NBAS: variants seen among roughly 807,000 people sequenced by gnomAD.
The protein encoded by NBAS is NAG/BC035112 fusion.
In NBAS, 219 loss-of-function variants were observed where a neutral mutation model predicts 302.5. The observed-to-expected ratio is 0.72, with a 90% CI of 0.65 to 0.81. NBAS has a LOEUF of 0.81. Among genes scored for constraint, NBAS ranks in the 30% least tolerant of loss-of-function variants. The pLI is 0.00. For synonymous variants in NBAS, 1,118 were observed against 1,021.6 expected (o/e 1.09, Z -1.80); for missense variants, 2,932 against 2,841.6 (o/e 1.03, Z -0.72).
At chr2:15,082,102 T>C in the NBAS span, among the ~76,000 whole-genome samples, 1 of 152,196 alleles carries the variant, frequency 6.6e-6, no homozygotes, top group Non-Finnish European at 1.5e-5. Flanking sequence ...ATGGTAGCTA[T>C]TAATAAGATA....
Position 15,276,933 on chromosome 2 carries a change from A to T in NBAS, c.5307T>A (p.Cys1769Ter). The change falls in exon 43 of 52, where the codon TGT becomes TGA. Residue 1769 changes from cysteine to a stop codon, truncating the protein, a stop_gained. Coordinates refer to ENST00000281513, the MANE Select transcript of NBAS (RefSeq NM_015909.4). LOFTEE classifies it high-confidence loss of function. Reference sequence around the variant, plus strand: ...CACAGTTCCCCAAATCTGCACAGCCACAGTTTTCCAGAAGAGTGAAATAAT... The same window carrying T: ...CACAGTTCCCCAAATCTGCACAGCCTCAGTTTTCCAGAAGAGTGAAATAAT... The part of the protein sequence containing the change: ...LQYYFTLLEN[C>*]GCADLGNCAI... 6.2e-7 allele frequency: 1 copy of T among 1,614,110 alleles called. No individual in the cohort carries two copies. Among genetic ancestry groups the T allele is most frequent in the Non-Finnish European group, 8.5e-7 (1 of 1,179,990 alleles).
chr2:15,262,041 A>G (rs955684673), intron 44 of NBAS, among the ~76,000 whole-genome samples: 13 of 152,180 alleles, frequency 8.5e-5, no homozygotes, highest in African/African-American at 3.1e-4. Context: ...CACCAGAGTG[A>G]CAGGTAATCC....
At chr2:15,076,593 G>GT in the NBAS span, among the ~76,000 whole-genome samples, 1 of 152,152 alleles carries the variant, frequency 6.6e-6, no homozygotes, top group Non-Finnish European at 1.5e-5. Context: ...GAAGTCTGAG[G>GT]TGATTTCCAT....
the NBAS span, among the ~76,000 whole-genome samples, chr2:14,970,608 G>A: frequency 5.9e-5 from 9 of 152,136 alleles, no homozygotes; most frequent in African/African-American, 1.9e-4. Context: ...TCTGGATTTC[G>A]GTCTCTTGGA....
chr2:14,944,400 T>A, the NBAS span, among the ~76,000 whole-genome samples: 1 of 152,212 alleles, frequency 6.6e-6, no homozygotes, highest in African/African-American at 2.4e-5. Context: ...ATCTCATTTA[T>A]TTTTCACCCC....
At chr2:14,816,904 G>A in the NBAS span, among the ~76,000 whole-genome samples, 4 of 152,258 alleles carry the variant, frequency 2.6e-5, no homozygotes, top group East Asian at 7.7e-4. Context: ...AAACAAGTGG[G>A]AAAAGAACTC....
chr2:15,350,148 A>C (rs1444921526), intron 35 of NBAS, among the ~76,000 whole-genome samples: 1 of 152,092 alleles, frequency 6.6e-6, no homozygotes, highest in Non-Finnish European at 1.5e-5. Context: ...CATATATTCT[A>C]CTCTGGGCAA....
the NBAS span, among the ~76,000 whole-genome samples, chr2:14,930,636 T>A: frequency 3.3e-5 from 5 of 152,348 alleles, no homozygotes; most frequent in Admixed American, 6.5e-5. Flanking sequence ...GATGCCCATA[T>A]GTGATTCATG....
chr2:14,908,128 C>G, the NBAS span, among the ~76,000 whole-genome samples: 1 of 152,184 alleles, frequency 6.6e-6, no homozygotes, highest in East Asian at 1.9e-4. Context: ...CTTTGGGAGG[C>G]CGAGGCAGGC....
At chr2:14,861,987 T>C in the NBAS span, among the ~76,000 whole-genome samples, 1 of 152,222 alleles carries the variant, frequency 6.6e-6, no homozygotes, top group Non-Finnish European at 1.5e-5. Context: ...TTAAGGCCGG[T>C]ATCTGGAGCC....
chr2:15,204,283 G>A (rs1666037038), intron 48 of NBAS, among the ~76,000 whole-genome samples: 1 of 151,808 alleles, frequency 6.6e-6, no homozygotes. Context: ...AAAAGAAAAA[G>A]AAAAGAAGTA....
intron 21 of NBAS, among the ~76,000 whole-genome samples, chr2:15,435,610 C>T (rs1441139942): frequency 2.0e-5 from 3 of 152,128 alleles, no homozygotes; most frequent in South Asian, 2.1e-4. Flanking sequence ...CCAGGCAGTC[C>T]GGTTCCAGAG....
the NBAS span, among the ~76,000 whole-genome samples, chr2:14,968,875 C>T: frequency 2.0e-5 from 3 of 152,052 alleles, no homozygotes; most frequent in East Asian, 1.9e-4. Flanking sequence ...AATGGACACC[C>T]GCATAAAAAT....
intron 40 of NBAS, among the ~76,000 whole-genome samples, chr2:15,299,514 T>C (rs1572615129): frequency 6.6e-6 from 1 of 152,220 alleles, no homozygotes; most frequent in African/African-American, 2.4e-5. Flanking sequence ...AGGGTTGTTA[T>C]TTTGCTTGAG....
rs1339324872 is a variant in NBAS, at chr2:15,428,242, C to G, written c.2340-448G>C. Among the ~76,000 whole-genome samples, 3 of 152,302 alleles carry G rather than the reference C, an allele frequency of 2.0e-5. No individual in the cohort carries two copies. The East Asian group carries it at 5.8e-4, about 29-fold the overall frequency. ...TAACCACCAGCTATGTAAATGCTCA[C>G]TGGTTATAAGCACTTAAAATATGGT... On this transcript the variant is annotated intron_variant, in intron 21 of 51. Coordinates refer to ENST00000281513, the MANE Select transcript of NBAS (RefSeq NM_015909.4).
the NBAS span, among the ~76,000 whole-genome samples, chr2:14,781,409 T>G: frequency 6.6e-6 from 1 of 151,524 alleles, no homozygotes; most frequent in Admixed American, 6.6e-5. Flanking sequence ...CAGCCTAAAC[T>G]AAATAAAGGC....
chr2:15,301,787 A>G (rs564938764), intron 40 of NBAS, among the ~76,000 whole-genome samples: 4 of 152,238 alleles, frequency 2.6e-5, no homozygotes, highest in Non-Finnish European at 2.9e-5. Flanking sequence ...TTCCTGAGTG[A>G]GGTAACACCT....
At chr2:15,287,275 G>A in intron 41 of NBAS, 92 bp from the exon 42 acceptor site, 1 of 891,704 alleles carries the variant, frequency 1.1e-6, no homozygotes, top group Non-Finnish European at 1.9e-6. Flanking sequence ...CTGCTCTCCA[G>A]TGAGAGAGGT....
At chr2:15,029,484 G>A in the NBAS span, among the ~76,000 whole-genome samples, 1 of 152,194 alleles carries the variant, frequency 6.6e-6, no homozygotes, top group Admixed American at 6.5e-5. Context: ...GGAAAATGAG[G>A]TAAAATACAG....
Sources: gnomAD v4.1 joint callset for allele counts (sites outside exome capture counted in the v4.1 genomes callset) on GRCh38, gnomAD v4.1.1 for gene constraint, MANE v1.5 for transcripts, NCBI Gene and HGNC (gene_info 2026-07-23, HGNC 2026-07-21) for gene names.